TSPAN4: variants seen among roughly 807,000 people sequenced by gnomAD.
TSPAN4 encodes tetraspanin 4.
In TSPAN4, 38 loss-of-function variants were observed where a neutral mutation model predicts 31.5. The ratio of observed to expected loss-of-function variants is 1.21; its 90% CI spans 0.93 to 1.58. The LOEUF (loss-of-function observed/expected upper bound fraction) is 1.58. Among genes scored for constraint, TSPAN4 ranks in the 40% most tolerant of loss-of-function variants. The pLI is 0.00. For synonymous variants in TSPAN4, 186 were observed against 144.6 expected, an observed-to-expected ratio of 1.29 and a Z score of -2.06; for missense variants, 330 against 317.3, an observed-to-expected ratio of 1.04 and a Z score of -0.30.
At chr11:861,125 C>A (rs1041730622) in intron 3 of TSPAN4, among the ~76,000 whole-genome samples, 1 of 152,182 alleles carries the variant, frequency 6.6e-6, no homozygotes, top group African/African-American at 2.4e-5. Context: ...AGCCTAGCAC[C>A]CTCTCTCTGG....
chr11:848,154 C>T lies in TSPAN4; in HGVS notation c.-18+854C>T, dbSNP rs532995974. Among the ~76,000 whole-genome samples the T allele has an allele frequency of 1.4e-4, 21 of 152,290 alleles. No homozygotes were observed. The highest frequency in any genetic ancestry group is 4.3e-4 in the African/African-American group (18 of 41,564). On this transcript the variant is annotated intron_variant, in intron 2 of 8. Transcript: ENST00000397397. This position sits in a 1 kb window ranked among gnomAD's most constrained non-coding sequence, Gnocchi z 5.7. ...ACCTGCGTGGCCAGGGGAAGGGGGC[C>T]GGGCGCCATCTGCTCTCTGGGCAGA... is the stretch of plus-strand genomic sequence containing the variant.
chr11:866,057 C>A, intron 8 of TSPAN4, 56 bp downstream of exon 8: 2 of 1,573,782 alleles, frequency 1.3e-6, no homozygotes, highest in Non-Finnish European at 1.7e-6. Context: ...ACCTTCTGAG[C>A]CCAGGGAACA....
intron 2 of TSPAN4, chr11:849,883 C>G (rs1457995408): frequency 6.1e-5 from 9 of 148,072 alleles, no homozygotes; most frequent in African/African-American, 2.0e-4. Context: ...CGCCGGGGTC[C>G]GAGCGGATCC....
intron 3 of TSPAN4, among the ~76,000 whole-genome samples, chr11:853,080 C>A (rs1471554739): frequency 6.6e-6 from 1 of 151,918 alleles, no homozygotes; most frequent in East Asian, 1.9e-4. Flanking sequence ...AGGGGCTGAG[C>A]CCTGTAAGTG....
intron 1 of TSPAN4, among the ~76,000 whole-genome samples, chr11:845,219 CA>C (rs144627041): frequency 6.8e-4 from 103 of 152,318 alleles, no homozygotes; most frequent in African/African-American, 2.4e-3. Context: ...TGCTCACCCC[CA>C]GGGTGCTGTG....
chr11:865,621 C>T lies in TSPAN4; in HGVS notation c.432+7C>T, dbSNP rs745691690. On this transcript the variant is annotated splice_region_variant and intron_variant, in intron 6 of 8. Coordinates refer to ENST00000397397, the MANE Select transcript of TSPAN4 (RefSeq NM_003271.5). ...GAGCATCATCCAGACCGACGTGAGG[C>T]GTGGGCAGGTGGGCGGGGTCGGCGG... The T allele has an allele frequency of 1.7e-5, 27 of 1,612,686 alleles. No homozygotes were observed. Among genetic ancestry groups the T allele is most frequent in the African/African-American group, 5.3e-5 (4 of 74,920 alleles).
chr11:865,064 T>C (rs1848695113), intron 5 of TSPAN4: 2 of 185,718 alleles, frequency 1.1e-5, no homozygotes, highest in Non-Finnish European at 2.3e-5. Context: ...CCTGACTTCC[T>C]GGCACTGCAG....
rs541013951 is a variant in TSPAN4, at chr11:848,674, C to T, written c.-18+1374C>T. ...CACCCCCTTCCCCTCCCTTAGCTTC[C>T]TCTCCCTCCTCTTCCTCCTGCCCTT... On this transcript the variant is annotated intron_variant, in intron 2 of 8. Transcript: ENST00000397397. This position sits in a 1 kb window ranked among gnomAD's most constrained non-coding sequence, Gnocchi z 5.7. The T allele has an allele frequency of 2.9e-4, 143 of 499,866 alleles. 2 individuals are homozygous for T. In the South Asian group the frequency reaches 3.4e-3, roughly 12 times the overall value. The allele number at this position is 499,866 out of a possible 1,614,324, so 31.0% of individuals were successfully genotyped here. A position where few individuals can be genotyped will look rare whatever the true frequency, so the allele number is the denominator to read the frequency against.
At chr11:852,602 C>T (rs1284296229) in intron 3 of TSPAN4, among the ~76,000 whole-genome samples, 2 of 152,154 alleles carry the variant, frequency 1.3e-5, no homozygotes, top group Non-Finnish European at 2.9e-5. Context: ...CTGATGTCCA[C>T]GCCTGCTGTG....
At chr11:852,823 G>A (rs1375789346) in intron 3 of TSPAN4, among the ~76,000 whole-genome samples, 1 of 152,216 alleles carries the variant, frequency 6.6e-6, no homozygotes, top group Non-Finnish European at 1.5e-5. Flanking sequence ...CTTCTCAGGG[G>A]CGAAGTTCAG....
At chr11:850,234 A>G (rs1847589222) in intron 2 of TSPAN4, 54 bp from the exon 3 acceptor site, 12 of 1,436,110 alleles carry the variant, frequency 8.4e-6, no homozygotes, top group Non-Finnish European at 1.1e-5. Flanking sequence ...ACGTCGCCCA[A>G]GGGCAACAAG....
At chr11:853,580 C>A (rs1395886054) in intron 3 of TSPAN4, among the ~76,000 whole-genome samples, 2 of 152,112 alleles carry the variant, frequency 1.3e-5, no homozygotes, top group African/African-American at 2.4e-5. Context: ...CTCAGAGCCT[C>A]CAGCTTTGGG....
intron 3 of TSPAN4, among the ~76,000 whole-genome samples, chr11:851,299 C>T (rs530656023): frequency 6.6e-6 from 1 of 152,282 alleles, no homozygotes; most frequent in Non-Finnish European, 1.5e-5. Context: ...TGAAGTGATA[C>T]CAAGGTCATT....
At chr11:858,278 A>G (rs1309557280) in intron 3 of TSPAN4, 1 of 152,930 alleles carries the variant, frequency 6.5e-6, no homozygotes, top group Non-Finnish European at 1.5e-5. Context: ...CCCATCCCCC[A>G]GCTGCTGGTG....
At chr11:844,116 CA>C (rs1847145204) in intron 1 of TSPAN4, 1 of 152,358 alleles carries the variant, frequency 6.6e-6, no homozygotes, top group Non-Finnish European at 1.5e-5. Context: ...AAGGGCAGGA[CA>C]GGGGCCCTGA....
At chr11:856,849 GT>G (rs1231778016) in intron 3 of TSPAN4, 12 of 152,280 alleles carry the variant, frequency 7.9e-5, no homozygotes, top group African/African-American at 2.9e-4. Context: ...CTGCCAAAAT[GT>G]TTTAAAAGCT....
At chr11:861,323 A>G (rs545560300) in intron 3 of TSPAN4, among the ~76,000 whole-genome samples, 5 of 152,310 alleles carry the variant, frequency 3.3e-5, no homozygotes, top group South Asian at 4.1e-4. Context: ...GCTGTAAGAA[A>G]TCATAACTTG....
At chr11:861,138 G>A (rs368781307) in intron 3 of TSPAN4, among the ~76,000 whole-genome samples, 40 of 152,306 alleles carry the variant, frequency 2.6e-4, no homozygotes, top group Non-Finnish European at 5.3e-4. Context: ...CTCTCTGGGC[G>A]CAGCACCCCC....
Position 848,048 on chromosome 11 carries a change from T to C in TSPAN4, c.-18+748T>C, listed in dbSNP as rs1209788773. Among the ~76,000 whole-genome samples the C allele has an allele frequency of 1.3e-5, 2 of 152,130 alleles. No individual in the cohort carries two copies. The highest frequency in any genetic ancestry group is 4.8e-5 in the African/African-American group (2 of 41,432). On this transcript the variant is annotated intron_variant, in intron 2 of 8. Coordinates refer to ENST00000397397, the MANE Select transcript of TSPAN4 (RefSeq NM_003271.5). This position sits in a 1 kb window ranked among gnomAD's most constrained non-coding sequence, Gnocchi z 5.7. ...CACCTGCCCTTGCCTGGCCCACGAG[T>C]AGGTGCTCTGAGCGCTGCCCAGGTC...
Sources: allele counts gnomAD v4.1 joint callset (sites outside exome capture counted in the v4.1 genomes callset), GRCh38; gene constraint gnomAD v4.1.1; non-coding constraint Gnocchi (gnomAD v3.1); transcripts MANE v1.5; gene names NCBI Gene and HGNC (gene_info 2026-07-23, HGNC 2026-07-21).